The following KLHL7 variants were observed in gnomAD, a reference collection of about 807,000 sequenced individuals.
KLHL7 encodes kelch like family member 7.
Under a neutral mutation model 67.4 loss-of-function variants are expected in KLHL7, and 44 were observed. That is an observed-to-expected ratio of 0.65 (90% CI 0.51 to 0.84). The LOEUF (loss-of-function observed/expected upper bound fraction) is 0.84. Among genes scored for constraint, KLHL7 ranks in the 40% least tolerant of loss-of-function variants. The pLI, the probability that KLHL7 is intolerant of heterozygous loss-of-function variation, is 0.00. For missense variants in KLHL7, 362 were observed against 718.1 expected (o/e 0.50, Z 5.67); for synonymous variants, 252 against 243.3 (o/e 1.04, Z -0.33).
chr7:23,143,733 C>G, intron 5 of KLHL7, 118 bp from the exon 6 acceptor site: 1 of 1,047,940 alleles, frequency 9.5e-7, no homozygotes, highest in Non-Finnish European at 1.5e-6. Flanking sequence ...ATGAAAAATA[C>G]TAGAAATAAG....
intron 1 of KLHL7, among the ~76,000 whole-genome samples, chr7:23,121,255 G>A (rs779683545): frequency 6.6e-6 from 1 of 152,124 alleles, no homozygotes; most frequent in Non-Finnish European, 1.5e-5. Context: ...CACCTAGGTT[G>A]ACTCTATATC....
At chr7:23,117,058 A>G (rs1272947674) in intron 1 of KLHL7, among the ~76,000 whole-genome samples, 1 of 143,530 alleles carries the variant, frequency 7.0e-6, no homozygotes, top group Admixed American at 7.1e-5. Context: ...AAGAGGAATC[A>G]TAAAATTTTC....
rs974966667 is a variant in KLHL7 at position 23,177,142 on chromosome 7, C to A, written c.*2844C>A. 2.6e-5 allele frequency: 4 copies of A among 152,284 alleles called. No individual in the cohort carries two copies. 9.4% of individuals were successfully genotyped at this position (152,284 alleles called of 1,614,324 possible). ...TCAACACAGAAAACCTCCCAAACAC[C>A]ATAGCCCTAGGCAACCACTAATCTA... On this transcript the variant is annotated 3_prime_UTR_variant, in exon 11 of 11. Transcript: ENST00000339077.
intron 4 of KLHL7, among the ~76,000 whole-genome samples, chr7:23,137,111 C>T (rs996950483): frequency 6.6e-6 from 1 of 152,136 alleles, no homozygotes. Flanking sequence ...ATGGGGAAAT[C>T]GCATCTCTAC....
intron 4 of KLHL7, among the ~76,000 whole-genome samples, chr7:23,131,654 C>CG (rs1562565012): frequency 5.3e-5 from 8 of 151,710 alleles, no homozygotes; most frequent in Admixed American, 2.0e-4. Flanking sequence ...CAATTACACT[C>CG]TAAGTTATTT....
In KLHL7 at chr7:23,155,632, C is replaced by G. The variant is rs367970248; in HGVS notation, c.936+3423C>G. 5.3e-5 allele frequency among the ~76,000 whole-genome samples: 8 copies of G among 151,172 alleles called. No individual in the cohort carries two copies. In the East Asian group the frequency reaches 1.4e-3, roughly 26 times the overall value. On this transcript the variant is annotated intron_variant, in intron 7 of 10. Coordinates refer to ENST00000339077, the MANE Select transcript of KLHL7 (RefSeq NM_001031710.3). ...TGAGCTGAGATCACACCACTGCACT[C>G]CAGCCTGGGCAACAAGAGAACAGCA...
Position 23,109,453 on chromosome 7 carries a change from T to C in KLHL7, c.120+3307T>C, listed in dbSNP as rs541162152. On this transcript the variant is annotated intron_variant, in intron 1 of 10. Coordinates refer to ENST00000339077, the MANE Select transcript of KLHL7 (RefSeq NM_001031710.3). The stretch of plus-strand genomic sequence containing the variant: ...GTCTCTTAACATTGGAGGAAGATGT[T>C]TTAAGACCTTCCTGAGTACCACCAT... Among the ~76,000 whole-genome samples the C allele has an allele frequency of 9.2e-5, 14 of 152,364 alleles. No homozygotes were observed. The South Asian group carries it at 1.2e-3, about 14-fold the overall frequency.
chr7:23,123,741 G>T (rs375018226), intron 1 of KLHL7, 36 bp from the exon 2 acceptor site: 4 of 1,426,902 alleles, frequency 2.8e-6, no homozygotes, highest in Non-Finnish European at 4.0e-6. Flanking sequence ...AGGCTAGTGA[G>T]CCTCTTTTTA....
rs943234726 is a variant in KLHL7, at chr7:23,164,096, G to GTAA, written c.937-1600_937-1598dup. ...GGTTGGAACTAGTTTCATCACTAGG[G>GTAA]TAATGCCCAACAGTCATAGCCACTG... On this transcript the variant is annotated intron_variant, in intron 7 of 10. Coordinates refer to ENST00000339077, the MANE Select transcript of KLHL7 (RefSeq NM_001031710.3). 6.5e-4 allele frequency among the ~76,000 whole-genome samples: 99 copies of GTAA among 151,810 alleles called. 1 individual carries two copies. The highest frequency in any genetic ancestry group is 2.3e-3 in the African/African-American group (96 of 41,362).
At chr7:23,152,707 C>T (rs918024143) in intron 7 of KLHL7, among the ~76,000 whole-genome samples, 27 of 152,056 alleles carry the variant, frequency 1.8e-4, no homozygotes, top group African/African-American at 6.0e-4. Flanking sequence ...CTTTTCATTA[C>T]ATATCATGCC....
intron 4 of KLHL7, 31 bp from the exon 5 acceptor site, chr7:23,140,738 T>G: frequency 6.3e-7 from 1 of 1,599,738 alleles, no homozygotes; most frequent in Non-Finnish European, 8.6e-7. Flanking sequence ...AAAAATGATT[T>G]TCTATTCTTT....
At chr7:23,114,357 A>G (rs574812151) in intron 1 of KLHL7, among the ~76,000 whole-genome samples, 1 of 152,328 alleles carries the variant, frequency 6.6e-6, no homozygotes, top group Non-Finnish European at 1.5e-5. Flanking sequence ...GTTTTATGAG[A>G]GAAGCACTGC....
intron 4 of KLHL7, 133 bp from the exon 5 acceptor site, chr7:23,140,636 C>A: frequency 1.3e-6 from 1 of 769,906 alleles, no homozygotes; most frequent in Non-Finnish European, 2.2e-6. Flanking sequence ...ATAGACAAAT[C>A]AATGAAACAG....
At chr7:23,165,245 T>C (rs1442285532) in intron 7 of KLHL7, among the ~76,000 whole-genome samples, 1 of 152,246 alleles carries the variant, frequency 6.6e-6, no homozygotes, top group Admixed American at 6.5e-5. Flanking sequence ...CTTTAGACTA[T>C]CAGTAGGATA....
intron 1 of KLHL7, among the ~76,000 whole-genome samples, chr7:23,118,168 T>C (rs191803669): frequency 6.6e-6 from 1 of 152,370 alleles, no homozygotes; most frequent in African/African-American, 2.4e-5. Context: ...TACCAACAGA[T>C]GCCTAAAATG....
Position 23,105,960 on chromosome 7 carries a change from T to G in KLHL7, c.-67T>G. ...CGTGTTTGGTCGATAGAATCCCCAG[T>G]GTGCCCAGAGAGTGCGACCCCTCGC... On this transcript the variant is annotated 5_prime_UTR_variant, in exon 1 of 11. Coordinates refer to ENST00000339077, the MANE Select transcript of KLHL7 (RefSeq NM_001031710.3). 1.1e-5 allele frequency: 17 copies of G among 1,575,830 alleles called. No homozygotes were observed. The highest frequency in any genetic ancestry group is 1.5e-5 in the Non-Finnish European group (17 of 1,165,262).
At chr7:23,124,000 T>C in intron 2 of KLHL7, 121 bp downstream of exon 2, 1 of 727,534 alleles carries the variant, frequency 1.4e-6, no homozygotes, top group South Asian at 1.6e-5. Context: ...CACAGAACAG[T>C]GAAGAGATTG....
At chr7:23,123,285 G>A (rs943965479) in intron 1 of KLHL7, among the ~76,000 whole-genome samples, 1 of 152,164 alleles carries the variant, frequency 6.6e-6, no homozygotes, top group African/African-American at 2.4e-5. Context: ...TCTGTTTCAA[G>A]TTAGATCTGT....
chr7:23,169,275 TA>T (rs112937096), intron 9 of KLHL7, among the ~76,000 whole-genome samples: 1 of 151,788 alleles, frequency 6.6e-6, no homozygotes, highest in Non-Finnish European at 1.5e-5. Context: ...AAATAAAAAA[TA>T]AAAAAATAAG....
Sources: gnomAD v4.1 joint callset for allele counts (sites outside exome capture counted in the v4.1 genomes callset) on GRCh38, gnomAD v4.1.1 for gene constraint, MANE v1.5 for transcripts, NCBI Gene and HGNC (gene_info 2026-07-23, HGNC 2026-07-21) for gene names.